CNOT2: variants seen among roughly 807,000 people sequenced by gnomAD.
The protein encoded by CNOT2 is CCR4-NOT transcription complex subunit 2, also known as CC chemokine receptor 4-negative regulator of transcription 2.
In CNOT2, 7 loss-of-function variants were observed where a neutral mutation model predicts 72.1. That is an observed-to-expected ratio of 0.10 (90% confidence interval 0.06 to 0.18). The LOEUF is 0.18. CNOT2 is among the 10% of genes least tolerant of loss of function. CNOT2 has a pLI of 1.00. For synonymous variants in CNOT2, 196 were observed against 225.6 expected (o/e 0.87, Z 1.17); for missense variants, 345 against 660.3 (o/e 0.52, Z 5.23).
At chr12:70,299,135 C>T (rs116089373) in intron 2 of CNOT2, among the ~76,000 whole-genome samples, 4,465 of 152,152 alleles carry the variant, frequency 0.029, 140 homozygotes, top group African/African-American at 0.067. Flanking sequence ...GGAGCAGTCA[C>T]GTCTCACATG....
At chr12:70,335,346 G>T in intron 7 of CNOT2, 92 bp from the exon 8 acceptor site, 1 of 907,610 alleles carries the variant, frequency 1.1e-6, no homozygotes, top group Non-Finnish European at 1.8e-6. Flanking sequence ...GGAAGAAGGC[G>T]CAATCATTTC....
intron 2 of CNOT2, among the ~76,000 whole-genome samples, chr12:70,279,314 A>G (rs1869415088): frequency 6.6e-6 from 1 of 152,232 alleles, no homozygotes; most frequent in African/African-American, 2.4e-5. Context: ...AGAGGCTTTG[A>G]TTATAAGATC....
chr12:70,296,881 C>G (rs923743078), intron 2 of CNOT2, among the ~76,000 whole-genome samples: 2 of 151,638 alleles, frequency 1.3e-5, no homozygotes, highest in African/African-American at 4.8e-5. Context: ...ACAAAAATAT[C>G]TTTGTTAACA....
intron 2 of CNOT2, among the ~76,000 whole-genome samples, chr12:70,287,614 A>G (rs1871132071): frequency 6.7e-6 from 1 of 149,920 alleles, no homozygotes; most frequent in African/African-American, 2.4e-5. Context: ...CCATTAGATC[A>G]AGTGTTAATC....
chr12:70,350,480 T>A (rs536146921), intron 15 of CNOT2, among the ~76,000 whole-genome samples: 81 of 152,218 alleles, frequency 5.3e-4, no homozygotes, highest in Non-Finnish European at 9.7e-4. Flanking sequence ...TAATATGGAT[T>A]TATTATACAG....
At chr12:70,268,288 G>C (rs145282382) in intron 1 of CNOT2, among the ~76,000 whole-genome samples, 76 of 152,194 alleles carry the variant, frequency 5.0e-4, no homozygotes, top group Non-Finnish European at 6.3e-4. Context: ...TAGAGTAGCA[G>C]CAACTGCCTT....
rs115746734 is a variant in CNOT2 at position 70,305,192 on chromosome 12, C to T, written c.49-5703C>T. On this transcript the variant is annotated intron_variant, in intron 2 of 15. Transcript: ENST00000229195. Reference sequence around the variant, plus strand: ...CACCCACTGTCCCGCACCCACTGTCCGGCACTGCCCAGTGAGATGAACCCG... The same window carrying T: ...CACCCACTGTCCCGCACCCACTGTCTGGCACTGCCCAGTGAGATGAACCCG... 7.9e-3 allele frequency among the ~76,000 whole-genome samples: 1,204 copies of T among 152,324 alleles called. 22 individuals carry two copies. The highest frequency in any genetic ancestry group is 0.028 in the African/African-American group (1,146 of 41,566).
intron 4 of CNOT2, chr12:70,321,745 T>C (rs141420031): frequency 2.0e-5 from 3 of 151,678 alleles, no homozygotes; most frequent in East Asian, 1.9e-4. Context: ...GGAAGAGATA[T>C]AGAAGGAAGA....
At chr12:70,296,406 T>C (rs1872798484) in intron 2 of CNOT2, among the ~76,000 whole-genome samples, 1 of 152,102 alleles carries the variant, frequency 6.6e-6, no homozygotes, top group South Asian at 2.1e-4. Flanking sequence ...TTGGTATTCA[T>C]TGAGGCCTTT....
At chr12:70,244,426 A>G (rs148102222) in intron 1 of CNOT2, 143 of 152,104 alleles carry the variant, frequency 9.4e-4, no homozygotes, top group African/African-American at 3.3e-3. Context: ...AAAGCTGATA[A>G]CTCTTGGTAA....
intron 1 of CNOT2, among the ~76,000 whole-genome samples, chr12:70,270,967 C>T (rs2135777064): frequency 6.6e-6 from 1 of 152,218 alleles, no homozygotes; most frequent in East Asian, 1.9e-4. Flanking sequence ...TGGATAAGCC[C>T]AGAGGTTTAG....
intron 14 of CNOT2, 29 bp downstream of exon 14, chr12:70,344,257 G>A (rs758260277): frequency 2.2e-6 from 3 of 1,355,240 alleles, no homozygotes; most frequent in Admixed American, 3.4e-5. Context: ...AATCACTTTT[G>A]TATTATAGTG....
intron 1 of CNOT2, among the ~76,000 whole-genome samples, chr12:70,256,020 T>C (rs902084922): frequency 1.3e-5 from 2 of 152,186 alleles, no homozygotes; most frequent in Non-Finnish European, 2.9e-5. Flanking sequence ...CTTAGAAGAT[T>C]ATTACCACAC....
chr12:70,349,412 A>G (rs1882596329), intron 15 of CNOT2, among the ~76,000 whole-genome samples: 1 of 152,208 alleles, frequency 6.6e-6, no homozygotes, highest in Admixed American at 6.5e-5. Context: ...AGCCTACAGT[A>G]TGAATTAACA....
intron 11 of CNOT2, among the ~76,000 whole-genome samples, 190 bp downstream of exon 11, chr12:70,339,012 T>TTG (rs1457871277): frequency 2.8e-5 from 3 of 108,188 alleles, no homozygotes; most frequent in African/African-American, 4.3e-5. Context: ...ATTTGGCATT[T>TTG]TATGTGTGTG....
intron 1 of CNOT2, among the ~76,000 whole-genome samples, chr12:70,272,592 C>CT (rs1868269430): frequency 1.3e-5 from 2 of 152,080 alleles, no homozygotes; most frequent in African/African-American, 4.8e-5. Flanking sequence ...AAGTCTGTTG[C>CT]TTCTCTCATG....
At chr12:70,276,815 C>G (rs1253602477) in intron 1 of CNOT2, among the ~76,000 whole-genome samples, 1 of 151,860 alleles carries the variant, frequency 6.6e-6, no homozygotes, top group Non-Finnish European at 1.5e-5. Context: ...AGTATTTTGG[C>G]TAAACGTACA....
At chr12:70,258,821 G>C (rs556394339) in intron 1 of CNOT2, among the ~76,000 whole-genome samples, 1 of 152,170 alleles carries the variant, frequency 6.6e-6, no homozygotes, top group African/African-American at 2.4e-5. Flanking sequence ...CAGGAGAAAG[G>C]GCTTTCAGGA....
rs776119049 is a variant in CNOT2 at position 70,283,930 on chromosome 12, A to ATTTTT, written c.48+5675_48+5679dup. On this transcript the variant is annotated intron_variant, in intron 2 of 15. Transcript: ENST00000229195. ...AAGTCACTTTGACTTCATGATGTAA[A>ATTTTT]TTTTTTTTTTTTTTTTTTTTTTTGA... 8.5e-4 allele frequency among the ~76,000 whole-genome samples: 100 copies of ATTTTT among 117,406 alleles called. 2 individuals carry two copies. The highest frequency in any genetic ancestry group is 1.4e-3 in the African/African-American group (43 of 30,788). The allele number at this position is 117,406 out of a possible 152,430, so 77.0% of individuals were successfully genotyped here.
Sources: gnomAD v4.1 joint callset for allele counts (sites outside exome capture counted in the v4.1 genomes callset) on GRCh38, gnomAD v4.1.1 for gene constraint, MANE v1.5 for transcripts, NCBI Gene and HGNC (gene_info 2026-07-23, HGNC 2026-07-21) for gene names.